The following MALRD1 variants were observed in gnomAD, a reference collection of about 807,000 sequenced individuals.
MALRD1 encodes the protein MAM and LDL-receptor class A domain-containing protein 1.
MALRD1 carries 247 observed loss-of-function variants against 242.1 expected under a neutral mutation model. The ratio of observed to expected loss-of-function variants is 1.02; its 90% CI spans 0.92 to 1.13. The LOEUF (loss-of-function observed/expected upper bound fraction) is 1.13, where lower values mean the gene tolerates loss of function less well. Ranked by LOEUF, MALRD1 falls within the 50% of genes most tolerant of loss-of-function variation. The pLI is 0.00. For synonymous variants in MALRD1, 995 were observed against 866.6 expected, an observed-to-expected ratio of 1.15 and a Z score of -2.60; for missense variants, 2,989 against 2,533.1, an observed-to-expected ratio of 1.18 and a Z score of -3.86.
chr10:19,461,163 A>G (rs1203490349), intron 29 of MALRD1, among the ~76,000 whole-genome samples: 1 of 152,172 alleles, frequency 6.6e-6, no homozygotes, highest in Non-Finnish European at 1.5e-5. Context: ...TACTAGACCC[A>G]GCATATACAC....
intron 24 of MALRD1, among the ~76,000 whole-genome samples, chr10:19,342,971 C>T (rs1246329741): frequency 2.0e-5 from 3 of 151,972 alleles, no homozygotes; most frequent in Non-Finnish European, 4.4e-5. Flanking sequence ...CCATATTTTC[C>T]AAATGTTTGA....
chr10:19,327,820 T>G (rs1331139065), intron 23 of MALRD1, 147 bp downstream of exon 23: 2 of 598,124 alleles, frequency 3.3e-6, no homozygotes, highest in Non-Finnish European at 5.8e-6. Context: ...TAACACTCCA[T>G]GGAGCATTTT....
In MALRD1 at chr10:19,332,585, C is replaced by T. The variant is rs533362410; in HGVS notation, c.3901+1003C>T. Reference sequence around the variant, plus strand: ...GGTTGACAAATTATGTCACCATTACCTTTAATAATTTCTGAGCTAGAATAT... The same window carrying T: ...GGTTGACAAATTATGTCACCATTACTTTTAATAATTTCTGAGCTAGAATAT... On this transcript the variant is annotated intron_variant, in intron 24 of 39. Transcript: ENST00000454679. Among the ~76,000 whole-genome samples, 9 of 152,192 alleles carry T rather than the reference C, an allele frequency of 5.9e-5. No individual in the cohort carries two copies. In the East Asian group the frequency reaches 1.7e-3, roughly 29 times the overall value.
chr10:19,454,191 T>C (rs1171700922), intron 29 of MALRD1, among the ~76,000 whole-genome samples: 1 of 151,768 alleles, frequency 6.6e-6, no homozygotes, highest in African/African-American at 2.4e-5. Context: ...GAAAAACATA[T>C]GCAACAAAAT....
At chr10:19,233,128 T>A (rs2499083) in intron 18 of MALRD1, among the ~76,000 whole-genome samples, 136,179 of 152,232 alleles carry the variant, frequency 0.89, 61,207 homozygotes, top group East Asian at 1. Flanking sequence ...AGATGTTTTG[T>A]TACAGGCGTG....
rs575296639 is a variant in MALRD1 at position 19,284,520 on chromosome 10, C to T, written c.3419+1339C>T. 1.2e-3 allele frequency among the ~76,000 whole-genome samples: 174 copies of T among 149,950 alleles called. 1 individual carries two copies. The East Asian group carries it at 0.03, about 26-fold the overall frequency. On this transcript the variant is annotated intron_variant, in intron 21 of 39. Transcript: ENST00000454679. ...TGCGGTGTTTGGTTTTTTGTTCTTG[C>T]GATAGTTTACTGAGAATGATGGTTT... is the stretch of plus-strand genomic sequence containing the variant.
chr10:19,200,257 C>T (rs1836460420), intron 14 of MALRD1, among the ~76,000 whole-genome samples: 1 of 152,182 alleles, frequency 6.6e-6, no homozygotes, highest in Non-Finnish European at 1.5e-5. Flanking sequence ...TCATGTCTTT[C>T]TGTAAGTCAC....
At chr10:19,385,784 C>G (rs1846047790) in intron 26 of MALRD1, among the ~76,000 whole-genome samples, 1 of 151,772 alleles carries the variant, frequency 6.6e-6, no homozygotes, top group Non-Finnish European at 1.5e-5. Flanking sequence ...GGCCTTAGTT[C>G]TTTTTCTTCT....
chr10:19,399,068 G>T (rs542590007), intron 28 of MALRD1, among the ~76,000 whole-genome samples: 1 of 152,206 alleles, frequency 6.6e-6, no homozygotes, highest in South Asian at 2.1e-4. Context: ...TGTCATCTTA[G>T]GTATTATAAG....
intron 24 of MALRD1, among the ~76,000 whole-genome samples, chr10:19,336,301 G>T (rs1471723771): frequency 1.3e-5 from 2 of 152,066 alleles, no homozygotes; most frequent in Non-Finnish European, 2.9e-5. Context: ...ATTCTAATTA[G>T]CTTATTTACG....
chr10:19,607,525 G>A (rs535015189), intron 34 of MALRD1, among the ~76,000 whole-genome samples: 1 of 152,230 alleles, frequency 6.6e-6, no homozygotes, highest in East Asian at 1.9e-4. Flanking sequence ...ATGTTGAGGT[G>A]AGGACACAAT....
intron 28 of MALRD1, among the ~76,000 whole-genome samples, chr10:19,447,553 G>A (rs772097712): frequency 3.3e-5 from 5 of 152,208 alleles, no homozygotes; most frequent in Non-Finnish European, 5.9e-5. Context: ...TTTGATTAGC[G>A]TGATCGTATG....
chr10:19,514,428 G>T (rs1554789807), intron 31 of MALRD1, among the ~76,000 whole-genome samples: 1 of 151,936 alleles, frequency 6.6e-6, no homozygotes, highest in South Asian at 2.1e-4. Flanking sequence ...TCAAGAGAAA[G>T]AAAAAAATTC....
intron 39 of MALRD1, among the ~76,000 whole-genome samples, chr10:19,733,871 C>G (rs1835390362): frequency 6.6e-6 from 1 of 151,894 alleles, no homozygotes; most frequent in South Asian, 2.1e-4. Context: ...AAACCAGCAC[C>G]AGAGAAAGCA....
intron 31 of MALRD1, among the ~76,000 whole-genome samples, chr10:19,504,876 G>A (rs1267582960): frequency 2.7e-5 from 4 of 150,774 alleles, no homozygotes; most frequent in African/African-American, 7.3e-5. Flanking sequence ...TAGAGACGGG[G>A]TTTCACCTTG....
Position 19,352,081 on chromosome 10 carries a change from A to G in MALRD1, c.4225A>G (p.Thr1409Ala). The change falls in exon 26 of 40, where the codon ACG becomes GCG. Residue 1409 changes from threonine (T) to alanine (A), a missense_variant. Coordinates refer to ENST00000454679, the MANE Select transcript of MALRD1 (RefSeq NM_001142308.3). The part of the protein sequence containing the change: ...TLMQVSVTNQ[T>A]KVLLNLTVEQ... ...AATGCAGGTGTCAGTCACAAACCAAACGAAGGTTCTACTTAACCTCACTGT... is the reference window on the plus strand; with the variant it reads ...AATGCAGGTGTCAGTCACAAACCAAGCGAAGGTTCTACTTAACCTCACTGT... 6.4e-6 allele frequency: 10 copies of G among 1,550,502 alleles called. No individual in the cohort carries two copies. The highest frequency in any genetic ancestry group is 5.2e-6 in the Non-Finnish European group (6 of 1,146,892).
chr10:19,105,193 A>T (rs1219171965), intron 5 of MALRD1, among the ~76,000 whole-genome samples: 1 of 152,022 alleles, frequency 6.6e-6, no homozygotes, highest in African/African-American at 2.4e-5. Context: ...AGCCTCTGGT[A>T]ACCACTATTC....
intron 1 of MALRD1, among the ~76,000 whole-genome samples, 190 bp from the exon 2 acceptor site, chr10:19,066,529 G>A (rs950837564): frequency 7.9e-5 from 12 of 152,244 alleles, no homozygotes; most frequent in African/African-American, 2.4e-4. Flanking sequence ...CACTGTTTTC[G>A]TTGTGGTAAC....
At chr10:19,323,908 G>A (rs979980036) in intron 21 of MALRD1, 41 bp from the exon 22 acceptor site, 1 of 1,540,608 alleles carries the variant, frequency 6.5e-7, no homozygotes, top group Non-Finnish European at 8.8e-7. Context: ...ACCGTGCCCG[G>A]CCTCTTATTC....
Sources: allele counts gnomAD v4.1 joint callset (sites outside exome capture counted in the v4.1 genomes callset), GRCh38; gene constraint gnomAD v4.1.1; transcripts MANE v1.5; gene names NCBI Gene and HGNC (gene_info 2026-07-23, HGNC 2026-07-21).